Variants in FAM184A observed in about 807,000 individuals in gnomAD.
FAM184A encodes the protein protein FAM184A.
A neutral mutation model predicts 143.8 loss-of-function variants in FAM184A; 99 were observed. The observed-to-expected ratio is 0.69, with a 90% CI of 0.58 to 0.81. The LOEUF (loss-of-function observed/expected upper bound fraction) is 0.81. Ranked by LOEUF, FAM184A falls within the 40% of genes least tolerant of loss-of-function variation. The pLI, the probability that FAM184A is intolerant of heterozygous loss-of-function variation, is 0.00. For synonymous variants in FAM184A, 427 were observed against 446.4 expected, an observed-to-expected ratio of 0.96 and a Z score of 0.55; for missense variants, 1,217 against 1,310.5, an observed-to-expected ratio of 0.93 and a Z score of 1.10.
At chr6:118,961,611 C>T (rs1783327159) in intron 17 of FAM184A, 150 bp downstream of exon 17, 1 of 709,030 alleles carries the variant, frequency 1.4e-6, no homozygotes, top group Non-Finnish European at 2.4e-6. Context: ...AAAGGAAGTT[C>T]TCTAGAGAGG....
chr6:119,053,448 C>T (rs913127629), intron 1 of FAM184A, among the ~76,000 whole-genome samples: 2 of 152,154 alleles, frequency 1.3e-5, no homozygotes, highest in Non-Finnish European at 2.9e-5. Context: ...CCTATCTTCC[C>T]AGCAAAGCAG....
intron 2 of FAM184A, 132 bp downstream of exon 2, chr6:119,023,822 TAAAAA>T: frequency 7.9e-5 from 33 of 415,566 alleles, no homozygotes; most frequent in South Asian, 3.0e-4. Context: ...CAGGAAAAGT[TAAAAA>T]AAAAAAAAAA....
At chr6:119,016,146 G>A (rs1241211639) in intron 5 of FAM184A, among the ~76,000 whole-genome samples, 1 of 152,096 alleles carries the variant, frequency 6.6e-6, no homozygotes, top group African/African-American at 2.4e-5. Context: ...GAGAACCTTT[G>A]TATCTAGCTC....
rs920028903 is a variant in FAM184A, at chr6:119,007,424, C to A, written c.1654-816G>T. Among the ~76,000 whole-genome samples the A allele has an allele frequency of 5.3e-5, 8 of 152,100 alleles. No individual in the cohort carries two copies. In the East Asian group the frequency reaches 1.5e-3, roughly 29 times the overall value. Reference sequence around the variant, plus strand: ...CCTTCTCTGACCCACAATTCCCTCCCCAAGTGCACGGCCTTCCTGTCCCCT... The same window carrying A: ...CCTTCTCTGACCCACAATTCCCTCCACAAGTGCACGGCCTTCCTGTCCCCT... On this transcript the variant is annotated intron_variant, in intron 6 of 17. Transcript: ENST00000338891.
chr6:119,004,517 G>T (rs1582492002), intron 7 of FAM184A, among the ~76,000 whole-genome samples: 1 of 152,258 alleles, frequency 6.6e-6, no homozygotes, highest in Non-Finnish European at 1.5e-5. Flanking sequence ...TAAGTGTTTT[G>T]CCTCTAGTAA....
intron 1 of FAM184A, among the ~76,000 whole-genome samples, chr6:119,065,283 A>T (rs1787404760): frequency 1.3e-5 from 2 of 152,174 alleles, no homozygotes; most frequent in South Asian, 4.1e-4. Context: ...TGGTAAATAA[A>T]GTCTCCTAAC....
intron 1 of FAM184A, among the ~76,000 whole-genome samples, chr6:119,125,946 C>T (rs1789354533): frequency 6.6e-6 from 1 of 152,170 alleles, no homozygotes; most frequent in African/African-American, 2.4e-5. Flanking sequence ...AACTAATTAC[C>T]ATAAATTTAA....
At chr6:119,143,672 C>A (rs967149686) in intron 1 of FAM184A, among the ~76,000 whole-genome samples, 7 of 152,180 alleles carry the variant, frequency 4.6e-5, no homozygotes. Context: ...TTAAATGAAC[C>A]TTTAGGACAT....
intron 1 of FAM184A, among the ~76,000 whole-genome samples, chr6:119,142,730 T>C (rs1225183968): frequency 6.6e-6 from 1 of 152,188 alleles, no homozygotes; most frequent in East Asian, 1.9e-4. Flanking sequence ...GTGGTTGAAT[T>C]GTGTCTCCCC....
upstream of FAM184A, among the ~76,000 whole-genome samples, chr6:119,083,456 T>G (rs935925279): frequency 6.6e-6 from 1 of 152,186 alleles, no homozygotes; most frequent in African/African-American, 2.4e-5. Flanking sequence ...AAATAGAAGT[T>G]CCAGTTTCAG....
rs554666753 is a variant in FAM184A at position 119,032,518 on chromosome 6, A to G, written c.160-7705T>C. 2.9e-5 allele frequency among the ~76,000 whole-genome samples: 4 copies of G among 139,918 alleles called. No individual in the cohort carries two copies. The East Asian group carries it at 6.5e-4, about 23-fold the overall frequency. 91.8% of individuals were successfully genotyped at this position (139,918 alleles called of 152,430 possible). A position where few individuals can be genotyped will look rare whatever the true frequency, so the allele number is the denominator to read the frequency against. ...GAGAGGGAGAGGGAAGAGGGAGAGG[A>G]AGAGGAAGAGGGAGAGGGAGAGGGA... On this transcript the variant is annotated intron_variant, in intron 1 of 17. Transcript: ENST00000338891.
chr6:118,989,254 G>A (rs919497892), intron 9 of FAM184A, among the ~76,000 whole-genome samples: 3 of 151,446 alleles, frequency 2.0e-5, no homozygotes, highest in East Asian at 2.0e-4. Flanking sequence ...GAGCCACCGC[G>A]CCCAGCCTGG....
chr6:119,136,745 T>G (rs1172390727), intron 1 of FAM184A, among the ~76,000 whole-genome samples: 1 of 152,216 alleles, frequency 6.6e-6, no homozygotes, highest in Non-Finnish European at 1.5e-5. Flanking sequence ...TGTGTCACTG[T>G]GCTTAACTTT....
chr6:118,990,293 A>C (rs1784336204), intron 9 of FAM184A, among the ~76,000 whole-genome samples: 1 of 152,234 alleles, frequency 6.6e-6, no homozygotes, highest in South Asian at 2.1e-4. Context: ...GAATATGCCA[A>C]ATCAGAGTGA....
intron 1 of FAM184A, among the ~76,000 whole-genome samples, chr6:119,028,624 C>T (rs1318295681): frequency 6.6e-6 from 1 of 152,216 alleles, no homozygotes; most frequent in African/African-American, 2.4e-5. Flanking sequence ...AGAAACTCCA[C>T]ATTCCTTCCC....
At chr6:118,994,746 G>C (rs1784494568) in intron 9 of FAM184A, among the ~76,000 whole-genome samples, 1 of 149,774 alleles carries the variant, frequency 6.7e-6, no homozygotes, top group Admixed American at 6.7e-5. Flanking sequence ...AAAAGCCAGA[G>C]GGTTATCATC....
At chr6:119,057,265 G>T (rs1461187698) in intron 1 of FAM184A, among the ~76,000 whole-genome samples, 1 of 152,198 alleles carries the variant, frequency 6.6e-6, no homozygotes, top group Non-Finnish European at 1.5e-5. Context: ...AGACTGGGAA[G>T]TGTCTAAGCA....
intron 1 of FAM184A, among the ~76,000 whole-genome samples, chr6:119,094,400 A>G (rs1457669060): frequency 6.7e-6 from 1 of 150,278 alleles, no homozygotes; most frequent in Non-Finnish European, 1.5e-5. Context: ...CAATTCCACT[A>G]CTGTTATAAT....
chr6:118,989,546 T>C (rs1784301800), intron 9 of FAM184A, among the ~76,000 whole-genome samples: 1 of 152,068 alleles, frequency 6.6e-6, no homozygotes, highest in African/African-American at 2.4e-5. Flanking sequence ...TTTTTACTAA[T>C]AACTTAGACT....
Sources: allele counts gnomAD v4.1 joint callset (sites outside exome capture counted in the v4.1 genomes callset), GRCh38; gene constraint gnomAD v4.1.1; transcripts MANE v1.5; gene names NCBI Gene and HGNC (gene_info 2026-07-23, HGNC 2026-07-21).